ATP8A1: variants seen among roughly 807,000 people sequenced by gnomAD.
ATP8A1 encodes phospholipid-transporting ATPase IA.
ATP8A1 carries 90 observed loss-of-function variants against 177.7 expected under a neutral mutation model. The observed-to-expected ratio is 0.51, with a 90% CI of 0.43 to 0.60. The LOEUF (loss-of-function observed/expected upper bound fraction) is 0.60. Among genes scored for constraint, ATP8A1 ranks in the 20% least tolerant of loss-of-function variants. The probability of loss-of-function intolerance (pLI) is 0.00; values close to 1 mark genes in which losing one functional copy is unlikely to be tolerated. For synonymous variants in ATP8A1, 493 were observed against 485.9 expected (o/e 1.01, Z -0.19); for missense variants, 1,072 against 1,392.8 (o/e 0.77, Z 3.67).
At chr4:42,578,685 G>A (rs1577631147) in intron 11 of ATP8A1, among the ~76,000 whole-genome samples, 2 of 152,206 alleles carry the variant, frequency 1.3e-5, no homozygotes, top group South Asian at 4.1e-4. Context: ...GGATAGCACT[G>A]AGGGTTTATA....
At chr4:42,542,184 T>C (rs896714882) in intron 20 of ATP8A1, among the ~76,000 whole-genome samples, 2 of 152,160 alleles carry the variant, frequency 1.3e-5, no homozygotes, top group African/African-American at 2.4e-5. Flanking sequence ...TTAAAATTGC[T>C]TTAAAAATAA....
chr4:42,443,496 G>T, intron 33 of ATP8A1, 69 bp downstream of exon 33: 2 of 707,686 alleles, frequency 2.8e-6, no homozygotes, highest in Non-Finnish European at 5.1e-6. Context: ...TATGCTAAAC[G>T]ATTAAGGTTT....
At chr4:42,547,942 T>C (rs1038704614) in intron 19 of ATP8A1, among the ~76,000 whole-genome samples, 1 of 152,196 alleles carries the variant, frequency 6.6e-6, no homozygotes, top group Non-Finnish European at 1.5e-5. Flanking sequence ...CTCATGGCCT[T>C]AATTCTGTGA....
At chr4:42,646,473 T>C (rs994633658) in intron 1 of ATP8A1, among the ~76,000 whole-genome samples, 3 of 152,246 alleles carry the variant, frequency 2.0e-5, no homozygotes, top group Non-Finnish European at 4.4e-5. Context: ...ATTTGTTTTA[T>C]ACAACGTTAG....
chr4:42,473,718 T>C (rs966481023), intron 25 of ATP8A1, among the ~76,000 whole-genome samples: 11 of 152,080 alleles, frequency 7.2e-5, no homozygotes, highest in African/African-American at 2.7e-4. Context: ...CAATCTTGGC[T>C]CACTGTAGCC....
intron 33 of ATP8A1, among the ~76,000 whole-genome samples, chr4:42,432,440 A>C (rs1044409181): frequency 1.3e-5 from 2 of 152,212 alleles, no homozygotes; most frequent in Non-Finnish European, 2.9e-5. Context: ...AGACACTGAA[A>C]AGTGTCATTA....
At position 42,630,978 on chromosome 4, in the gene ATP8A1, T is replaced by C. The variant is rs546807404; in HGVS notation, c.50-3869A>G. Among the ~76,000 whole-genome samples, 3 of 152,346 alleles carry C rather than the reference T, an allele frequency of 2.0e-5. No homozygotes were observed. In the East Asian group the frequency reaches 5.8e-4, roughly 29 times the overall value. On this transcript the variant is annotated intron_variant, in intron 1 of 36. Coordinates refer to ENST00000381668, the MANE Select transcript of ATP8A1 (RefSeq NM_006095.2). The stretch of plus-strand genomic sequence containing the variant: ...GTACTTAAAACACCTAATATTGTAA[T>C]AGATTACAATACATGTAATTTGTAT...
chr4:42,626,827 A>G, intron 2 of ATP8A1, 168 bp downstream of exon 2: 1 of 634,974 alleles, frequency 1.6e-6, no homozygotes, highest in Non-Finnish European at 2.8e-6. Context: ...ATTCTTATGA[A>G]TATTTCTCTA....
In ATP8A1 at chr4:42,543,274, T is replaced by C. The variant is rs141504663; in HGVS notation, c.1722+643A>G. Among the ~76,000 whole-genome samples the C allele has an allele frequency of 1.4e-3, 209 of 152,122 alleles. 1 individual carries two copies. Among genetic ancestry groups the C allele is most frequent in the African/African-American group, 4.7e-3 (195 of 41,502 alleles). ...CTATTCAAAATAGGAATGTTCCAAG[T>C]TGGGAAGGTTATAAACTAGGTAAAT... On this transcript the variant is annotated intron_variant, in intron 20 of 36. Transcript: ENST00000381668.
intron 5 of ATP8A1, among the ~76,000 whole-genome samples, chr4:42,609,447 T>C (rs1033648827): frequency 2.0e-5 from 3 of 152,210 alleles, no homozygotes; most frequent in Admixed American, 2.0e-4. Context: ...TCCCTCACTT[T>C]TTCCTCTGCT....
At chr4:42,496,607 GAA>G (rs1266393835) in intron 24 of ATP8A1, among the ~76,000 whole-genome samples, 1 of 152,072 alleles carries the variant, frequency 6.6e-6, no homozygotes, top group African/African-American at 2.4e-5. Flanking sequence ...GAACCACAGA[GAA>G]AGCTAATGTT....
At chr4:42,651,363 T>A (rs540877471) in intron 1 of ATP8A1, among the ~76,000 whole-genome samples, 1 of 152,124 alleles carries the variant, frequency 6.6e-6, no homozygotes, top group African/African-American at 2.4e-5. Context: ...TGAAAAAAGT[T>A]TGGAGGGCCC....
At chr4:42,623,024 A>G (rs113750193) in intron 4 of ATP8A1, among the ~76,000 whole-genome samples, 11 of 151,596 alleles carry the variant, frequency 7.3e-5, no homozygotes, top group African/African-American at 2.7e-4. Context: ...AAAAAAAAAA[A>G]GGTGGGCAAA....
chr4:42,421,014 C>A (rs550947358), intron 35 of ATP8A1, among the ~76,000 whole-genome samples: 1 of 151,980 alleles, frequency 6.6e-6, no homozygotes, highest in Non-Finnish European at 1.5e-5. Flanking sequence ...GTGATCTGCC[C>A]GCCTCGGCCT....
intron 33 of ATP8A1, among the ~76,000 whole-genome samples, chr4:42,442,011 T>C (rs1015551371): frequency 2.0e-5 from 3 of 152,182 alleles, no homozygotes; most frequent in Non-Finnish European, 2.9e-5. Context: ...AGTTTTGTGT[T>C]TGGGTAATAC....
chr4:42,619,704 T>C (rs6833921), intron 4 of ATP8A1, among the ~76,000 whole-genome samples: 34,332 of 151,944 alleles, frequency 0.23, 4,338 homozygotes, highest in Non-Finnish European at 0.29. Flanking sequence ...GTTTACTAGA[T>C]TGTAATCTCT....
chr4:42,650,906 T>C (rs932967430), intron 1 of ATP8A1, among the ~76,000 whole-genome samples: 1 of 152,182 alleles, frequency 6.6e-6, no homozygotes, highest in African/African-American at 2.4e-5. Context: ...TTCTGTTGTC[T>C]GCCTGATATA....
At chr4:42,446,701 T>G in intron 30 of ATP8A1, 57 bp from the exon 31 acceptor site, 1 of 1,490,690 alleles carries the variant, frequency 6.7e-7, no homozygotes, top group Non-Finnish European at 9.3e-7. Flanking sequence ...CAGAATCTTT[T>G]CAAAGATATT....
chr4:42,412,741 A>T lies in ATP8A1; in HGVS notation c.*175T>A, dbSNP rs1315750816. The stretch of plus-strand genomic sequence containing the variant: ...TCCAAAAGAGATGGTGTTACAGTAC[A>T]GTTGCACAGTGCTTATGTCTATAAT... On this transcript the variant is annotated 3_prime_UTR_variant, in exon 37 of 37. Coordinates refer to ENST00000381668, the MANE Select transcript of ATP8A1 (RefSeq NM_006095.2). 9.1e-6 allele frequency: 5 copies of T among 547,170 alleles called. No homozygotes were observed. The African/African-American group carries it at 9.6e-5, about 10-fold the overall frequency. 33.9% of individuals were successfully genotyped at this position (547,170 alleles called of 1,614,324 possible). A position where few individuals can be genotyped will look rare whatever the true frequency, so the allele number is the denominator to read the frequency against.
Sources: allele counts gnomAD v4.1 joint callset (sites outside exome capture counted in the v4.1 genomes callset), GRCh38; gene constraint gnomAD v4.1.1; transcripts MANE v1.5; gene names NCBI Gene and HGNC (gene_info 2026-07-23, HGNC 2026-07-21).